GABRB1: variants seen among roughly 807,000 people sequenced by gnomAD.
GABRB1 encodes gamma-aminobutyric acid type A receptor subunit beta1, also known as gamma-aminobutyric acid receptor subunit beta-1.
Under a neutral mutation model 51.6 loss-of-function variants are expected in GABRB1, and 17 were observed. The observed-to-expected ratio is 0.33, with a 90% CI of 0.23 to 0.49. The LOEUF is 0.49. Among genes scored for constraint, GABRB1 ranks in the 20% least tolerant of loss-of-function variants. GABRB1 has a pLI of 0.99. For synonymous variants in GABRB1, 247 were observed against 218.9 expected, an observed-to-expected ratio of 1.13 and a Z score of -1.14; for missense variants, 410 against 600.6, an observed-to-expected ratio of 0.68 and a Z score of 3.32.
chr4:47,228,495 T>A (rs1721029760), intron 4 of GABRB1, among the ~76,000 whole-genome samples: 1 of 152,106 alleles, frequency 6.6e-6, no homozygotes, highest in South Asian at 2.1e-4. Flanking sequence ...TGTAATAATC[T>A]CTTTAATTTT....
intron 3 of GABRB1, among the ~76,000 whole-genome samples, chr4:47,123,897 TAA>T (rs1491306078): frequency 3.6e-5 from 2 of 55,376 alleles, no homozygotes; most frequent in African/African-American, 4.8e-5. Flanking sequence ...ATATAATATA[TAA>T]TATATTATAT....
Position 47,426,121 on chromosome 4 carries a change from C to A in GABRB1, c.*103C>A. 2.1e-6 allele frequency: 2 copies of A among 954,714 alleles called. No individual in the cohort carries two copies. Among genetic ancestry groups the A allele is most frequent in the Non-Finnish European group, 3.1e-6 (2 of 643,504 alleles). 59.1% of individuals were successfully genotyped at this position (954,714 alleles called of 1,614,324 possible). On this transcript the variant is annotated 3_prime_UTR_variant, in exon 9 of 9. Transcript: ENST00000295454. ...CTGCTGTTTCTCGAGGTAAGAGATT[C>A]AGCCATCCAATTGGTTTTAGGTCTT...
chr4:47,046,906 C>T (rs890731079), intron 3 of GABRB1, among the ~76,000 whole-genome samples: 10 of 152,158 alleles, frequency 6.6e-5, no homozygotes, highest in Middle Eastern at 6.8e-3. Context: ...AAACCAAATA[C>T]GGCATGTTTT....
chr4:47,018,091 C>T (rs573660586), intron 1 of GABRB1, among the ~76,000 whole-genome samples: 3 of 151,608 alleles, frequency 2.0e-5, no homozygotes, highest in African/African-American at 7.3e-5. Flanking sequence ...TCTTCTCCCT[C>T]TTCCTCCTCT....
At chr4:47,173,096 A>T (rs1204482165) in intron 4 of GABRB1, among the ~76,000 whole-genome samples, 1 of 152,138 alleles carries the variant, frequency 6.6e-6, no homozygotes, top group Admixed American at 6.5e-5. Flanking sequence ...ATTCATGTAA[A>T]TTCTATTTTT....
At chr4:47,401,450 C>T (rs1728381171) in intron 5 of GABRB1, among the ~76,000 whole-genome samples, 1 of 152,112 alleles carries the variant, frequency 6.6e-6, no homozygotes, top group Admixed American at 6.6e-5. Context: ...TTTAGTAGGC[C>T]CAACAGCCCC....
At chr4:47,325,661 C>T (rs1436662685) in intron 5 of GABRB1, among the ~76,000 whole-genome samples, 5 of 152,122 alleles carry the variant, frequency 3.3e-5, no homozygotes, top group Admixed American at 6.5e-5. Context: ...ATAACTTTCT[C>T]GTTTCTTCTG....
chr4:47,367,273 G>A (rs1727011709), intron 5 of GABRB1, among the ~76,000 whole-genome samples: 3 of 152,168 alleles, frequency 2.0e-5, no homozygotes, highest in Admixed American at 2.0e-4. Context: ...TAAGGTATGT[G>A]TCTCCCAATA....
rs542837765 is a variant in GABRB1, at chr4:47,032,678, G to A, written c.240+194G>A. On this transcript the variant is annotated intron_variant, in intron 3 of 8. Coordinates refer to ENST00000295454, the MANE Select transcript of GABRB1 (RefSeq NM_000812.4). ...AATTTCGACACACACGGGCTACTGC[G>A]GTGTTCCAGGGGAAACGTGCTCGGC... 3.5e-4 allele frequency: 248 copies of A among 716,964 alleles called. 5 individuals carry two copies. The South Asian group carries it at 3.6e-3, about 10-fold the overall frequency. 44.4% of individuals were successfully genotyped at this position (716,964 alleles called of 1,614,324 possible). A position where few individuals can be genotyped will look rare whatever the true frequency, so the allele number is the denominator to read the frequency against.
At chr4:47,095,096 C>G (rs757792240) in intron 3 of GABRB1, among the ~76,000 whole-genome samples, 1 of 151,998 alleles carries the variant, frequency 6.6e-6, no homozygotes, top group African/African-American at 2.4e-5. Flanking sequence ...TACATGCAAA[C>G]TTTAAAAAGT....
intron 4 of GABRB1, among the ~76,000 whole-genome samples, chr4:47,181,098 T>G (rs1197456692): frequency 2.6e-5 from 4 of 152,044 alleles, no homozygotes; most frequent in Non-Finnish European, 4.4e-5. Context: ...TCAGCTATCA[T>G]ATCTCCAAAG....
chr4:47,409,373 A>G lies in GABRB1; in HGVS notation c.1080+2447A>G, dbSNP rs947865772. 3.3e-5 allele frequency among the ~76,000 whole-genome samples: 5 copies of G among 152,278 alleles called. No homozygotes were observed. The South Asian group carries it at 1.0e-3, about 32-fold the overall frequency. ...CTGGATGGAGGTGGCTCTCAGTGAG[A>G]TGAATGGGGAGCTGGAAAGAGGCTG... On this transcript the variant is annotated intron_variant, in intron 8 of 8. Coordinates refer to ENST00000295454, the MANE Select transcript of GABRB1 (RefSeq NM_000812.4).
At chr4:47,064,849 A>C (rs55962021) in intron 3 of GABRB1, among the ~76,000 whole-genome samples, 71,599 of 151,792 alleles carry the variant, frequency 0.47, 17,009 homozygotes, top group East Asian at 0.53. Flanking sequence ...ATAAATATCC[A>C]TCAAATGAAC....
intron 5 of GABRB1, among the ~76,000 whole-genome samples, chr4:47,379,171 T>C (rs1727503542): frequency 6.6e-6 from 1 of 152,180 alleles, no homozygotes; most frequent in South Asian, 2.1e-4. Flanking sequence ...AGTATATTAC[T>C]AAGTATACTA....
chr4:47,205,549 T>C (rs1432232759), intron 4 of GABRB1, among the ~76,000 whole-genome samples: 3 of 152,166 alleles, frequency 2.0e-5, no homozygotes, highest in African/African-American at 7.2e-5. Context: ...TATGTGACTG[T>C]ATGTTCTGAA....
chr4:47,149,995 T>A (rs1324049783), intron 3 of GABRB1, among the ~76,000 whole-genome samples: 1 of 151,950 alleles, frequency 6.6e-6, no homozygotes, highest in Non-Finnish European at 1.5e-5. Context: ...TTTAAGGCCT[T>A]ACTTGAGACT....
intron 5 of GABRB1, 51 bp downstream of exon 5, chr4:47,320,260 G>C: frequency 8.5e-7 from 1 of 1,181,814 alleles, no homozygotes; most frequent in Non-Finnish European, 1.3e-6. Context: ...CCTTGACCCA[G>C]TTGAATTCAA....
chr4:47,357,984 C>T (rs1279855865), intron 5 of GABRB1, among the ~76,000 whole-genome samples: 1 of 152,132 alleles, frequency 6.6e-6, no homozygotes, highest in Non-Finnish European at 1.5e-5. Context: ...TGACAAGGTG[C>T]TATGCTAAAT....
chr4:47,196,964 G>A (rs1298191452), intron 4 of GABRB1, among the ~76,000 whole-genome samples: 1 of 152,174 alleles, frequency 6.6e-6, no homozygotes, highest in Non-Finnish European at 1.5e-5. Context: ...GCCCCTCTAT[G>A]CACAAGATTC....
Sources: allele counts gnomAD v4.1 joint callset (sites outside exome capture counted in the v4.1 genomes callset), GRCh38; gene constraint gnomAD v4.1.1; transcripts MANE v1.5; gene names NCBI Gene and HGNC (gene_info 2026-07-23, HGNC 2026-07-21).